UTRN: variants seen among roughly 807,000 people sequenced by gnomAD.
UTRN encodes dystrophin-related protein 1.
UTRN carries 283 observed loss-of-function variants against 463.9 expected under a neutral mutation model. That is an observed-to-expected ratio of 0.61 (90% CI 0.55 to 0.67). The LOEUF is 0.67. Ranked by LOEUF, UTRN falls within the 30% of genes least tolerant of loss-of-function variation. The pLI, the probability that UTRN is intolerant of heterozygous loss-of-function variation, is 0.00. For missense variants in UTRN, 3,922 were observed against 4,084.3 expected (o/e 0.96, Z 1.08); for synonymous variants, 1,442 against 1,431.5 (o/e 1.01, Z -0.17).
At position 144,444,262 on chromosome 6, in the gene UTRN, TG is replaced by T; in HGVS notation, c.1513-17del. ...CTCTTAAGGCTGTGTTGACAAAGGA[TG>T]GTTTCTCCTTTTTCTAGAAACTTGG... On this transcript the variant is annotated intron_variant, in intron 13 of 74. Transcript: ENST00000367545. The T allele has an allele frequency of 6.3e-7, 1 of 1,592,816 alleles. No homozygotes were observed. Among genetic ancestry groups the T allele is most frequent in the Non-Finnish European group, 8.6e-7 (1 of 1,163,994 alleles).
At chr6:144,510,707 A>C (rs1795093189) in intron 34 of UTRN, among the ~76,000 whole-genome samples, 1 of 152,190 alleles carries the variant, frequency 6.6e-6, no homozygotes, top group Admixed American at 6.5e-5. Flanking sequence ...CCCACAGCTG[A>C]GTGTGTTACA....
chr6:144,594,490 G>A (rs1183410446), intron 51 of UTRN, among the ~76,000 whole-genome samples: 2 of 152,112 alleles, frequency 1.3e-5, no homozygotes, highest in African/African-American at 4.8e-5. Flanking sequence ...TAGTTCTGTG[G>A]ACAAAACAGT....
intron 34 of UTRN, among the ~76,000 whole-genome samples, chr6:144,508,438 A>G (rs1794879088): frequency 6.6e-6 from 1 of 152,074 alleles, no homozygotes; most frequent in African/African-American, 2.4e-5. Flanking sequence ...AAAGTGTAGT[A>G]TCTTGGCTGG....
intron 51 of UTRN, among the ~76,000 whole-genome samples, chr6:144,592,038 A>G (rs1022227823): frequency 6.6e-6 from 1 of 152,070 alleles, no homozygotes; most frequent in Non-Finnish European, 1.5e-5. Context: ...GGGAAATGCA[A>G]TTTGCTCTGT....
At chr6:144,719,661 C>T (rs1212390154) in intron 53 of UTRN, among the ~76,000 whole-genome samples, 1 of 152,126 alleles carries the variant, frequency 6.6e-6, no homozygotes, top group African/African-American at 2.4e-5. Flanking sequence ...TTGGCATGTT[C>T]TCGGAACAGA....
chr6:144,501,720 T>C (rs1157993022), intron 34 of UTRN, among the ~76,000 whole-genome samples: 1 of 152,180 alleles, frequency 6.6e-6, no homozygotes, highest in East Asian at 1.9e-4. Context: ...TTAAACCATA[T>C]CATACATTCA....
In UTRN at chr6:144,700,449, C is replaced by T. The variant is rs188743383; in HGVS notation, c.7809+206C>T. Reference sequence around the variant, plus strand: ...TCTTCACATTTAACTAAATTTTTTTCAAACACTACCAGTATCTGAAGTATA... The same window carrying T: ...TCTTCACATTTAACTAAATTTTTTTTAAACACTACCAGTATCTGAAGTATA... On this transcript the variant is annotated intron_variant, in intron 53 of 74. Coordinates refer to ENST00000367545, the MANE Select transcript of UTRN (RefSeq NM_007124.3). Among the ~76,000 whole-genome samples the T allele has an allele frequency of 2.3e-4, 35 of 151,524 alleles. No individual in the cohort carries two copies. The East Asian group carries it at 6.2e-3, about 27-fold the overall frequency.
chr6:144,813,071 G>A lies in UTRN; in HGVS notation c.9358-7811G>A, dbSNP rs570352148. 1.2e-4 allele frequency among the ~76,000 whole-genome samples: 19 copies of A among 152,250 alleles called. No individual in the cohort carries two copies. The South Asian group carries it at 3.7e-3, about 30-fold the overall frequency. ...AAGGACAGCCCTAATTTGTACATGT[G>A]AATTTTTATGTGCTTGTTGAAAATC... On this transcript the variant is annotated intron_variant, in intron 65 of 74. Transcript: ENST00000367545.
At chr6:144,600,925 A>G (rs1447915217) in intron 51 of UTRN, among the ~76,000 whole-genome samples, 1 of 152,198 alleles carries the variant, frequency 6.6e-6, no homozygotes, top group Non-Finnish European at 1.5e-5. Context: ...CTCACCTACC[A>G]TTCCGAAAAT....
At chr6:144,612,761 T>TC (rs1805660267) in intron 51 of UTRN, among the ~76,000 whole-genome samples, 1 of 152,046 alleles carries the variant, frequency 6.6e-6, no homozygotes, top group Admixed American at 6.6e-5. Context: ...AGTGGGAATG[T>TC]AAATTAGTAT....
intron 14 of UTRN, among the ~76,000 whole-genome samples, chr6:144,445,022 T>G (rs1373361366): frequency 6.6e-6 from 1 of 152,084 alleles, no homozygotes; most frequent in Admixed American, 6.5e-5. Flanking sequence ...ACAAAACTTT[T>G]CTCCCCAAAT....
chr6:144,430,445 G>A lies in UTRN; in HGVS notation c.855+704G>A, dbSNP rs532246954. Among the ~76,000 whole-genome samples the A allele has an allele frequency of 4.6e-5, 7 of 152,156 alleles. No individual in the cohort carries two copies. In the South Asian group the frequency reaches 1.5e-3, roughly 32 times the overall value. On this transcript the variant is annotated intron_variant, in intron 9 of 74. Transcript: ENST00000367545. ...AGAATTGGACCTTAGAAGTCACTTG[G>A]TTCAACATTCTAGTGACCAAGCAAC...
chr6:144,390,304 A>G, intron 2 of UTRN, among the ~76,000 whole-genome samples: 1 of 151,898 alleles, frequency 6.6e-6, no homozygotes, highest in Non-Finnish European at 1.5e-5. Context: ...TTGTCTCATT[A>G]CTTCTCTACT....
At chr6:144,535,566 C>T (rs1240923914) in intron 43 of UTRN, among the ~76,000 whole-genome samples, 1 of 152,110 alleles carries the variant, frequency 6.6e-6, no homozygotes, top group African/African-American at 2.4e-5. Flanking sequence ...AATCTCTTCC[C>T]CAACAGCTTA....
At chr6:144,421,837 G>A (rs145453196) in intron 3 of UTRN, 41 bp from the exon 4 acceptor site, 28,032 of 1,535,684 alleles carry the variant, frequency 0.018, 690 homozygotes, top group South Asian at 0.099. Context: ...AGTTTCTGCT[G>A]TTGGCATACC....
chr6:144,410,796 A>ATGTG (rs112535909), intron 3 of UTRN, among the ~76,000 whole-genome samples: 1,803 of 141,256 alleles, frequency 0.013, 13 homozygotes, highest in Middle Eastern at 0.022. Flanking sequence ...TGGTGTGTAT[A>ATGTG]TGTGTGTGTG....
chr6:144,326,410 TC>T (rs1029352734), intron 2 of UTRN, among the ~76,000 whole-genome samples: 2 of 152,168 alleles, frequency 1.3e-5, no homozygotes, highest in Non-Finnish European at 2.9e-5. Context: ...CTGAGAAGCT[TC>T]ATGGCTTTAG....
chr6:144,828,100 G>T (rs1780349337), intron 68 of UTRN, among the ~76,000 whole-genome samples: 1 of 152,154 alleles, frequency 6.6e-6, no homozygotes, highest in African/African-American at 2.4e-5. Context: ...GGCTGGTCTT[G>T]ATGGTGTGCA....
intron 51 of UTRN, among the ~76,000 whole-genome samples, chr6:144,640,248 T>G (rs1777635425): frequency 6.6e-6 from 1 of 152,142 alleles, no homozygotes; most frequent in Non-Finnish European, 1.5e-5. Context: ...TAATGAGAAG[T>G]AGTTCCCCAC....
Sources: allele counts gnomAD v4.1 joint callset (sites outside exome capture counted in the v4.1 genomes callset), GRCh38; gene constraint gnomAD v4.1.1; transcripts MANE v1.5; gene names NCBI Gene and HGNC (gene_info 2026-07-23, HGNC 2026-07-21).